Variants in LINGO2 observed in about 807,000 individuals in gnomAD.
The protein encoded by LINGO2 is leucine-rich repeat and immunoglobulin-like domain-containing nogo receptor-interacting protein 2.
A neutral mutation model predicts 30.6 loss-of-function variants in LINGO2; 14 were observed. That is an observed-to-expected ratio of 0.46 (90% CI 0.30 to 0.72). The LOEUF (loss-of-function observed/expected upper bound fraction) is 0.72, where lower values mean the gene tolerates loss of function less well. LINGO2 is among the 30% of genes least tolerant of loss of function. LINGO2 has a pLI of 0.07. For missense variants in LINGO2, 729 were observed against 751.7 expected (o/e 0.97, Z 0.35); for synonymous variants, 317 against 288.5 (o/e 1.10, Z -1.00).
At chr9:28,606,064 G>GCTTA (rs1587948719) in intron 1 of LINGO2, among the ~76,000 whole-genome samples, 2 of 151,916 alleles carry the variant, frequency 1.3e-5, no homozygotes, top group East Asian at 3.9e-4. Context: ...TTTCAAGGAT[G>GCTTA]CTTACATTTT....
the LINGO2 span, among the ~76,000 whole-genome samples, chr9:28,791,528 ACT>A: frequency 6.6e-6 from 1 of 152,044 alleles, no homozygotes; most frequent in African/African-American, 2.4e-5. Flanking sequence ...CTCAATACTC[ACT>A]CTCTGTCAGA....
intron 1 of LINGO2, among the ~76,000 whole-genome samples, chr9:28,579,069 T>TTTG (rs1824133758): frequency 6.6e-6 from 1 of 151,570 alleles, no homozygotes; most frequent in Non-Finnish European, 1.5e-5. Flanking sequence ...CTCTTTTTTT[T>TTTG]TTGTTTCTAC....
chr9:28,319,772 A>G (rs1223968281), intron 3 of LINGO2, among the ~76,000 whole-genome samples: 2 of 152,176 alleles, frequency 1.3e-5, no homozygotes, highest in African/African-American at 2.4e-5. Context: ...AATGTTTTAC[A>G]TCTTTCTTCT....
intron 1 of LINGO2, among the ~76,000 whole-genome samples, chr9:28,552,524 AC>A (rs1822351781): frequency 6.6e-6 from 1 of 151,924 alleles, no homozygotes; most frequent in Non-Finnish European, 1.5e-5. Flanking sequence ...CAGGGTACTG[AC>A]TTTTCAATGA....
At chr9:28,016,728 C>T (rs113720230) in intron 4 of LINGO2, among the ~76,000 whole-genome samples, 298 of 148,778 alleles carry the variant, frequency 2.0e-3, no homozygotes, top group Non-Finnish European at 3.6e-3. Context: ...AAGCCCAGGA[C>T]CAGGCAGACT....
At chr9:29,016,366 G>A in the LINGO2 span, among the ~76,000 whole-genome samples, 1 of 152,106 alleles carries the variant, frequency 6.6e-6, no homozygotes. Context: ...CTCTCAATAT[G>A]AGACCATCAG....
At chr9:28,167,764 T>A (rs1169779262) in intron 4 of LINGO2, among the ~76,000 whole-genome samples, 1 of 152,188 alleles carries the variant, frequency 6.6e-6, no homozygotes, top group Admixed American at 6.5e-5. Context: ...ATAATTCTTG[T>A]TCTAGGTTAC....
At chr9:29,100,260 C>CG in the LINGO2 span, among the ~76,000 whole-genome samples, 2 of 151,938 alleles carry the variant, frequency 1.3e-5, no homozygotes, top group African/African-American at 4.8e-5. Context: ...GGACACTACA[C>CG]GGGGGAGGGG....
At chr9:28,202,297 C>T (rs1820265050) in intron 4 of LINGO2, among the ~76,000 whole-genome samples, 1 of 152,094 alleles carries the variant, frequency 6.6e-6, no homozygotes, top group African/African-American at 2.4e-5. Flanking sequence ...ATAACCCTCT[C>T]TTTGAAAGTT....
chr9:28,126,922 G>T (rs1827251715), intron 4 of LINGO2, among the ~76,000 whole-genome samples: 1 of 152,060 alleles, frequency 6.6e-6, no homozygotes, highest in African/African-American at 2.4e-5. Flanking sequence ...TACAGAAAAA[G>T]AAAAGGAAAT....
At chr9:28,961,351 C>T in the LINGO2 span, among the ~76,000 whole-genome samples, 1 of 152,116 alleles carries the variant, frequency 6.6e-6, no homozygotes, top group East Asian at 1.9e-4. Flanking sequence ...GATTTATATA[C>T]TTGGGGTATA....
At chr9:28,891,273 T>C in the LINGO2 span, among the ~76,000 whole-genome samples, 1 of 151,982 alleles carries the variant, frequency 6.6e-6, no homozygotes, top group African/African-American at 2.4e-5. Context: ...CCTCACATTA[T>C]ATTTAATCTC....
the LINGO2 span, among the ~76,000 whole-genome samples, chr9:29,187,625 G>A: frequency 6.6e-6 from 1 of 152,082 alleles, no homozygotes. Flanking sequence ...GCATTATATT[G>A]TTAGGTGCTT....
chr9:28,199,345 T>TTCTTCTTC lies in LINGO2; in HGVS notation c.-87+95862_-87+95863insGAAGAAGA, dbSNP rs763087259. Among the ~76,000 whole-genome samples, 299 of 86,110 alleles carry TTCTTCTTC rather than the reference T, an allele frequency of 3.5e-3. 6 individuals carry two copies. Among genetic ancestry groups the TTCTTCTTC allele is most frequent in the South Asian group, 8.1e-3 (13 of 1,610 alleles). 56.5% of individuals were successfully genotyped at this position (86,110 alleles called of 152,430 possible). On this transcript the variant is annotated intron_variant, in intron 4 of 5. Transcript: ENST00000379992. ...TATCTTCTTCTTCTTCTTCTTCTTC[T>TTCTTCTTC]TTTTTTTTTTTTGAGACGGAGTCTC...
chr9:29,066,975 C>T, the LINGO2 span, among the ~76,000 whole-genome samples: 1 of 151,712 alleles, frequency 6.6e-6, no homozygotes, highest in Non-Finnish European at 1.5e-5. Context: ...GAAAGGGCAA[C>T]TTATTGTCTA....
At chr9:28,861,139 T>TTATATAATATAAATTATATAAGTTA in the LINGO2 span, among the ~76,000 whole-genome samples, 1 of 115,378 alleles carries the variant, frequency 8.7e-6, no homozygotes, top group East Asian at 2.2e-4. Context: ...TATATAAATT[T>TTATATAATATAAATTATATAAGTTA]TTATATAATT....
At chr9:28,024,391 G>A (rs1241185309) in intron 4 of LINGO2, among the ~76,000 whole-genome samples, 1 of 152,152 alleles carries the variant, frequency 6.6e-6, no homozygotes, top group African/African-American at 2.4e-5. Context: ...GGAGGTTGAA[G>A]CCTGAGCTCA....
chr9:28,268,255 T>C (rs940941871), intron 4 of LINGO2, among the ~76,000 whole-genome samples: 2 of 152,084 alleles, frequency 1.3e-5, no homozygotes, highest in Non-Finnish European at 2.9e-5. Context: ...GGATGATGTC[T>C]GGTTAACAAA....
chr9:28,352,029 C>A (rs1344610160), intron 3 of LINGO2, among the ~76,000 whole-genome samples: 1 of 150,944 alleles, frequency 6.6e-6, no homozygotes, highest in South Asian at 2.1e-4. Flanking sequence ...CTATGACAAA[C>A]CCACAGCCAA....
Sources: gnomAD v4.1 joint callset for allele counts (sites outside exome capture counted in the v4.1 genomes callset) on GRCh38, gnomAD v4.1.1 for gene constraint, MANE v1.5 for transcripts, NCBI Gene and HGNC (gene_info 2026-07-23, HGNC 2026-07-21) for gene names.